Variants in AQR observed in about 807,000 individuals in gnomAD.
The protein encoded by AQR is RNA helicase aquarius.
Under a neutral mutation model 180.5 loss-of-function variants are expected in AQR, and 61 were observed. The ratio of observed to expected loss-of-function variants is 0.34; its 90% confidence interval spans 0.28 to 0.42. AQR has a LOEUF of 0.42. Ranked by LOEUF, AQR falls within the 10% of genes least tolerant of loss-of-function variation. The probability of loss-of-function intolerance (pLI) is 1.00; values close to 1 mark genes in which losing one functional copy is unlikely to be tolerated. For synonymous variants in AQR, 551 were observed against 588.8 expected, an observed-to-expected ratio of 0.94 and a Z score of 0.93; for missense variants, 1,281 against 1,798.3, an observed-to-expected ratio of 0.71 and a Z score of 5.20.
Position 34,932,321 on chromosome 15 carries a change from G to T in AQR, c.897C>A (p.Ser299=), listed in dbSNP as rs1353856057. ...GTTCAGATACATCAATATTCACCTG[G>T]GAAAAAAGATGGCCATCCTCTTCTC... ...VRREEDGHLF[S]QLLDMLKFYT... The change falls in exon 11 of 35, where the codon TCC becomes TCA. Residue 299 remains serine (S), a synonymous_variant. Transcript: ENST00000156471. 1.2e-6 allele frequency: 2 copies of T among 1,603,056 alleles called. No individual in the cohort carries two copies. Among genetic ancestry groups the T allele is most frequent in the Non-Finnish European group, 1.7e-6 (2 of 1,170,176 alleles).
At chr15:34,964,143 T>G (rs972091722) in intron 2 of AQR, 91 bp downstream of exon 2, 1 of 951,580 alleles carries the variant, frequency 1.1e-6, no homozygotes, top group African/African-American at 1.7e-5. Flanking sequence ...TTGTTTTTAA[T>G]TTTAAAAAAA....
rs542820211 is a variant in AQR at position 34,897,686 on chromosome 15, T to G, written c.2263A>C (p.Ser755Arg). 1.9e-6 allele frequency: 3 copies of G among 1,613,986 alleles called. No homozygotes were observed. The highest frequency in any genetic ancestry group is 1.1e-5 in the South Asian group (1 of 91,042). Residue 755 changes from serine to arginine, a missense_variant, in exon 21 of 35, where the codon AGT (serine) becomes CGT (arginine). Around this residue, in one of 9 missense-constraint regions of AQR, gnomAD observed 112 missense variants for 128.6 expected, o/e 0.87. Transcript: ENST00000156471. ...PPFRITFPVRSGKGKKRKDAD... is the reference protein window; with the variant it reads ...PPFRITFPVRRGKGKKRKDAD... ...TCTTTCCTTTTCTTCCCTTTTCCAC[T>G]TCTTACTGGAAAAGTTATCCTACAA...
intron 6 of AQR, among the ~76,000 whole-genome samples, chr15:34,942,469 T>C (rs369194500): frequency 1.3e-5 from 2 of 152,204 alleles, no homozygotes; most frequent in Admixed American, 6.5e-5. Flanking sequence ...TTGTGGTCTA[T>C]TGAGTACTAT....
intron 30 of AQR, among the ~76,000 whole-genome samples, chr15:34,873,054 G>A (rs1489997124): frequency 6.6e-6 from 1 of 151,648 alleles, no homozygotes; most frequent in African/African-American, 2.4e-5. Context: ...CTTCCTGTTA[G>A]TAAATACAAT....
intron 17 of AQR, among the ~76,000 whole-genome samples, chr15:34,909,543 C>T (rs192566684): frequency 1.2e-3 from 176 of 152,264 alleles, no homozygotes; most frequent in Admixed American, 1.8e-3. Context: ...ACTCTTTATC[C>T]TTTCTGCCTT....
In AQR at chr15:34,870,870, A is replaced by C; in HGVS notation, c.3650T>G (p.Leu1217Arg). ...ACTGATTTTGTCAGCAGGGTAACCAAGTAAACACATGTACATAAAAAGTGC... is the reference window on the plus strand; with the variant it reads ...ACTGATTTTGTCAGCAGGGTAACCACGTAAACACATGTACATAAAAAGTGC... ...VVALFMYMCL[L>R]GYPADKISIL... The change falls in exon 31 of 35, where the codon CTT (leucine) becomes CGT (arginine). Residue 1217 changes from leucine (L) to arginine (R), a missense_variant. Coordinates refer to ENST00000156471, the MANE Select transcript of AQR (RefSeq NM_014691.3). The C allele has an allele frequency of 6.2e-7, 1 of 1,613,430 alleles. No individual in the cohort carries two copies. The highest frequency in any genetic ancestry group is 8.5e-7 in the Non-Finnish European group (1 of 1,179,642).
At position 34,948,335 on chromosome 15, in the gene AQR, T is replaced by G; in HGVS notation, c.259A>C (p.Ser87Arg). The change falls in exon 5 of 35, where the codon AGC becomes CGC. Residue 87 changes from serine to arginine, a missense_variant. By Grantham distance (110) the Ser-to-Arg change is moderately radical (BLOSUM62 -1). Transcript: ENST00000156471. The stretch of plus-strand genomic sequence containing the variant: ...CAGATTGACATTAAATAGGCCTTGC[T>G]AGATACCTCAGGAGAATAATTCATC... ...LWMNYSPEVS[S>R]KAYLMSICCM... is the part of the protein sequence containing the mutation. The G allele has an allele frequency of 6.2e-7, 1 of 1,613,514 alleles. No homozygotes were observed. The highest frequency in any genetic ancestry group is 8.5e-7 in the Non-Finnish European group (1 of 1,179,970).
intron 12 of AQR, among the ~76,000 whole-genome samples, chr15:34,928,444 G>T (rs1893798825): frequency 1.3e-5 from 2 of 152,110 alleles, no homozygotes; most frequent in Non-Finnish European, 2.9e-5. Flanking sequence ...AGAACATGCG[G>T]TGTTTGGTTT....
rs1442920167 is a variant in AQR, at chr15:34,856,194, C to T, written c.*598G>A. ...TCTAATCCTGAGATTCTGACTCATT[C>T]AGTCTGAGGTGTGCCTCAAGAATAA... On this transcript the variant is annotated 3_prime_UTR_variant, in exon 35 of 35. Coordinates refer to ENST00000156471, the MANE Select transcript of AQR (RefSeq NM_014691.3). 1 of 185,016 alleles carries T rather than the reference C, an allele frequency of 5.4e-6. No individual in the cohort carries two copies. The highest frequency in any genetic ancestry group is 1.1e-5 in the Non-Finnish European group (1 of 90,400). The allele number at this position is 185,016 out of a possible 1,614,324, so 11.5% of individuals were successfully genotyped here.
At chr15:34,948,496 AT>A in intron 4 of AQR, 112 bp from the exon 5 acceptor site, 1 of 1,367,492 alleles carries the variant, frequency 7.3e-7, no homozygotes. Flanking sequence ...TATTTTGGAA[AT>A]CTCTATTTAT....
At position 34,886,608 on chromosome 15, in the gene AQR, ACTT is replaced by A. The variant is rs760163182; in HGVS notation, c.2732_2734del (p.Glu911del). 3 of 1,613,850 alleles carry A rather than the reference ACTT, an allele frequency of 1.9e-6. No individual in the cohort carries two copies. The highest frequency in any genetic ancestry group is 2.5e-6 in the Non-Finnish European group (3 of 1,179,954). On this transcript the variant is annotated inframe_deletion, in exon 25 of 35. Coordinates refer to ENST00000156471, the MANE Select transcript of AQR (RefSeq NM_014691.3). ...CCCTAGACTCTTTTGCAATCGTTTG[ACTT>A]CTTCTAAAAGTTCTATTCTTCGAGC... is the stretch of plus-strand genomic sequence containing the variant.
At chr15:34,968,102 C>T (rs1457575718) in intron 1 of AQR, among the ~76,000 whole-genome samples, 1 of 151,010 alleles carries the variant, frequency 6.6e-6, no homozygotes, top group Non-Finnish European at 1.5e-5. Flanking sequence ...CATGAGCCAT[C>T]GCGCCCGGCT....
chr15:34,954,372 CAT>C (rs1304348093), intron 3 of AQR, among the ~76,000 whole-genome samples: 1 of 151,712 alleles, frequency 6.6e-6, no homozygotes, highest in Admixed American at 6.6e-5. Context: ...GTGGCACAAA[CAT>C]AGCTCACTGT....
chr15:34,912,732 TA>T (rs767772206), intron 16 of AQR, among the ~76,000 whole-genome samples: 27 of 152,104 alleles, frequency 1.8e-4, no homozygotes, highest in South Asian at 2.1e-4. Context: ...AACGAGTCTT[TA>T]GTTTTTATAT....
chr15:34,903,254 A>G (rs1198653114), intron 19 of AQR, among the ~76,000 whole-genome samples: 1 of 152,204 alleles, frequency 6.6e-6, no homozygotes, highest in Non-Finnish European at 1.5e-5. Context: ...GATGTTGGAG[A>G]GGACACCAGA....
intron 13 of AQR, among the ~76,000 whole-genome samples, chr15:34,924,015 C>T (rs1893719730): frequency 6.6e-6 from 1 of 152,156 alleles, no homozygotes; most frequent in Admixed American, 6.5e-5. Flanking sequence ...AGGATTCACA[C>T]CTTGGGTCCT....
At chr15:34,900,550 T>G in intron 20 of AQR, 72 bp downstream of exon 20, 1 of 1,532,134 alleles carries the variant, frequency 6.5e-7, no homozygotes, top group South Asian at 1.3e-5. Flanking sequence ...TCACTTTAGC[T>G]AACAATCCTG....
At position 34,856,919 on chromosome 15, in the gene AQR, G is replaced by A. The variant is rs773895657; in HGVS notation, c.4331C>T (p.Ala1444Val). Residue 1444 changes from alanine (A) to valine (V), a missense_variant, in exon 35 of 35, where the codon GCC (alanine) becomes GTC (valine). Physicochemically the swap from Ala to Val is moderately conservative, Grantham distance 64. This residue lies in a region of AQR where 182 missense variants were observed against 185.3 expected (regional missense o/e 0.98). Coordinates refer to ENST00000156471, the MANE Select transcript of AQR (RefSeq NM_014691.3). ...QTDTTPSETG[A>V]TSTPEAIPAL... is the part of the protein sequence containing the mutation. Reference sequence around the variant, plus strand: ...AGGGATGGCTTCTGGAGTGGAAGTGGCTCCTGTCTCACTGGGGGTGGTGTC... The same window carrying A: ...AGGGATGGCTTCTGGAGTGGAAGTGACTCCTGTCTCACTGGGGGTGGTGTC... The A allele has an allele frequency of 1.2e-6, 2 of 1,614,072 alleles. No individual in the cohort carries two copies. The highest frequency in any genetic ancestry group is 1.1e-5 in the South Asian group (1 of 91,068).
chr15:34,964,958 A>G lies in AQR; in HGVS notation c.76-668T>C, dbSNP rs538425614. Among the ~76,000 whole-genome samples, 10 of 152,322 alleles carry G rather than the reference A, an allele frequency of 6.6e-5. No individual in the cohort carries two copies. In the East Asian group the frequency reaches 1.9e-3, roughly 29 times the overall value. ...CCAATTATAATCTCTTTAAAAATAGAAAACTGGCAAGCACAAAGACTCAAT... is the reference window on the plus strand; with the variant it reads ...CCAATTATAATCTCTTTAAAAATAGGAAACTGGCAAGCACAAAGACTCAAT... On this transcript the variant is annotated intron_variant, in intron 1 of 34. Transcript: ENST00000156471.
Sources: allele counts gnomAD v4.1 joint callset (sites outside exome capture counted in the v4.1 genomes callset), GRCh38; gene constraint gnomAD v4.1.1; regional missense constraint gnomAD v4.1.1; transcripts MANE v1.5; gene names NCBI Gene and HGNC (gene_info 2026-07-23, HGNC 2026-07-21).